The following PWWP3A variants were observed in gnomAD, a reference collection of about 807,000 sequenced individuals.
The protein encoded by PWWP3A is PWWP domain-containing DNA repair factor 3A.
PWWP3A carries 53 observed loss-of-function variants against 79.0 expected under a neutral mutation model. That is an observed-to-expected ratio of 0.67 (90% CI 0.54 to 0.84). The LOEUF (loss-of-function observed/expected upper bound fraction) is 0.84. Among genes scored for constraint, PWWP3A ranks in the 40% least tolerant of loss-of-function variants. PWWP3A has a pLI of 0.00. For synonymous variants in PWWP3A, 443 were observed against 394.4 expected, an observed-to-expected ratio of 1.12 and a Z score of -1.46; for missense variants, 973 against 948.0, an observed-to-expected ratio of 1.03 and a Z score of -0.35.
chr19:1,367,741 C>A (rs1041590013), intron 9 of PWWP3A, among the ~76,000 whole-genome samples: 1 of 152,242 alleles, frequency 6.6e-6, no homozygotes, highest in Non-Finnish European at 1.5e-5. Context: ...CAGCTTTCAT[C>A]ATGTGCTGTC....
intron 6 of PWWP3A, among the ~76,000 whole-genome samples, chr19:1,362,628 G>C (rs1380070595): frequency 6.6e-6 from 1 of 152,214 alleles, no homozygotes; most frequent in Non-Finnish European, 1.5e-5. Flanking sequence ...TCAAGCCCTT[G>C]TCCTCCTGTC....
intron 7 of PWWP3A, 145 bp from the exon 8 acceptor site, chr19:1,366,160 C>A (rs191542408): frequency 9.2e-6 from 7 of 756,800 alleles, no homozygotes; most frequent in South Asian, 1.7e-5. Context: ...CGTTTCTCAG[C>A]GCCTCCTTGC....
chr19:1,358,822 G>A (rs1467908609), intron 4 of PWWP3A: 2 of 567,888 alleles, frequency 3.5e-6, no homozygotes, highest in Non-Finnish European at 6.2e-6. Context: ...AAGATTTGCT[G>A]TGGTACTGTC....
rs1035429292 is a variant in PWWP3A, at chr19:1,368,638, G to C, written c.1423-627G>C. 2.0e-5 allele frequency among the ~76,000 whole-genome samples: 3 copies of C among 152,202 alleles called. No individual in the cohort carries two copies. The highest frequency in any genetic ancestry group is 7.2e-5 in the African/African-American group (3 of 41,450). The stretch of plus-strand genomic sequence containing the variant: ...GCTTTATGGCATCTTTGGGACGGCT[G>C]TGTCCTTTTCTGGGGACCCACCCTG... On this transcript the variant is annotated intron_variant, in intron 9 of 13. Coordinates refer to ENST00000591337, the MANE Select transcript of PWWP3A (RefSeq NM_001369789.1). The surrounding 1 kb of genome is among the most constrained non-coding windows in gnomAD (Gnocchi z 4.7).
At chr19:1,366,723 C>T (rs1485381001) in intron 8 of PWWP3A, among the ~76,000 whole-genome samples, 1 of 152,274 alleles carries the variant, frequency 6.6e-6, no homozygotes, top group Non-Finnish European at 1.5e-5. Flanking sequence ...CAGACAGCAT[C>T]CCTGCGTCCA....
rs779304976 is a variant in PWWP3A, at chr19:1,360,935, C to T, written c.1014C>T (p.Thr338=). Residue 338 remains threonine, a synonymous_variant, in exon 5 of 14, where the codon ACC becomes ACT. Coordinates refer to ENST00000591337, the MANE Select transcript of PWWP3A (RefSeq NM_001369789.1). The surrounding 1 kb of genome is among the most constrained non-coding windows in gnomAD (Gnocchi z 4.4). ...GPGPGPRESV[T]PRSTARLGPP... ...GGCCAGGGCCCAGAGAGTCTGTGAC[C>T]CCGCGCAGCACCGCCAGGCTGGGCC... 4 of 1,524,136 alleles carry T rather than the reference C, an allele frequency of 2.6e-6. No homozygotes were observed. Among genetic ancestry groups the T allele is most frequent in the African/African-American group, 1.4e-5 (1 of 71,764 alleles). 94.4% of individuals were successfully genotyped at this position (1,524,136 alleles called of 1,614,324 possible).
chr19:1,360,717 G>C lies in PWWP3A; in HGVS notation c.796G>C (p.Ala266Pro). ...PSGVREDDPC[A>P]NAEGHDPGLP... is the part of the protein sequence containing the mutation. ...CGGGGTCAGGGAGGACGATCCCTGTGCCAACGCTGAGGGACACGACCCCGG... is the reference window on the plus strand; with the variant it reads ...CGGGGTCAGGGAGGACGATCCCTGTCCCAACGCTGAGGGACACGACCCCGG... The change falls in exon 5 of 14, where the codon GCC becomes CCC. Residue 266 changes from alanine to proline, a missense_variant. By Grantham distance (27) the Ala-to-Pro change is conservative (BLOSUM62 -1). Coordinates refer to ENST00000591337, the MANE Select transcript of PWWP3A (RefSeq NM_001369789.1). This position sits in a 1 kb window ranked among gnomAD's most constrained non-coding sequence, Gnocchi z 4.4. 1 of 1,613,408 alleles carries C rather than the reference G, an allele frequency of 6.2e-7. No individual in the cohort carries two copies.
In PWWP3A at chr19:1,369,148, G is replaced by T; in HGVS notation, c.1423-117G>T. 1.2e-6 allele frequency: 1 copy of T among 857,192 alleles called. No homozygotes were observed. The highest frequency in any genetic ancestry group is 1.9e-6 in the Non-Finnish European group (1 of 522,536). The allele number at this position is 857,192 out of a possible 1,614,324, so 53.1% of individuals were successfully genotyped here. On this transcript the variant is annotated intron_variant, in intron 9 of 13. Coordinates refer to ENST00000591337, the MANE Select transcript of PWWP3A (RefSeq NM_001369789.1). The surrounding 1 kb of genome is among the most constrained non-coding windows in gnomAD (Gnocchi z 4.0). ...CTTTGTCAGGGAGGGTCAGAGGTGC[G>T]GGCTGGAGCGTGAGCAGCCTGGACA... is the stretch of plus-strand genomic sequence containing the variant.
Position 1,360,158 on chromosome 19 carries a change from GGCACCCC to G in PWWP3A, c.238_244del (p.Ala80TrpfsTer17). 1 of 1,569,024 alleles carries G rather than the reference GGCACCCC, an allele frequency of 6.4e-7. No homozygotes were observed. The highest frequency in any genetic ancestry group is 8.6e-7 in the Non-Finnish European group (1 of 1,159,344). On this transcript the variant is annotated frameshift_variant, in exon 5 of 14. Transcript: ENST00000591337. LOFTEE classifies it high-confidence loss of function. The surrounding 1 kb of genome is among the most constrained non-coding windows in gnomAD (Gnocchi z 4.4). ...CAGCCTCACAGAATGAGGTTCCTGC[GGCACCCC>G]TGGAAGAACTGGCCTACAGACGGTC...
chr19:1,376,641 T>A lies in PWWP3A; in HGVS notation c.*65T>A, dbSNP rs1278421721. 6.5e-7 allele frequency: 1 copy of A among 1,528,830 alleles called. No homozygotes were observed. Among genetic ancestry groups the A allele is most frequent in the African/African-American group, 1.4e-5 (1 of 72,732 alleles). 94.7% of individuals were successfully genotyped at this position (1,528,830 alleles called of 1,614,324 possible). On this transcript the variant is annotated 3_prime_UTR_variant, in exon 14 of 14. Transcript: ENST00000591337. ...GAAGCGCCTCCAGTGTGCATGAGCG[T>A]GTCTGAAGATGGGGGGCTCAGGGGG... is the stretch of plus-strand genomic sequence containing the variant.
chr19:1,357,214 G>C, intron 3 of PWWP3A, 120 bp downstream of exon 3: 1 of 686,414 alleles, frequency 1.5e-6, no homozygotes, highest in Non-Finnish European at 2.5e-6. Flanking sequence ...TTCACCATTT[G>C]TGTAATTCAT....
chr19:1,364,295 T>G, intron 6 of PWWP3A: 1 of 684,018 alleles, frequency 1.5e-6, no homozygotes. Flanking sequence ...CAGCTGCTGG[T>G]TTCACTGTCT....
Position 1,377,866 on chromosome 19 carries a change from G to C in PWWP3A, c.*1290G>C, listed in dbSNP as rs1029307024. ...CCAGCCGACGACAGCCACCGGAGAGGAGATCGGAACACGATTGTCTCAGAT... is the reference window on the plus strand; with the variant it reads ...CCAGCCGACGACAGCCACCGGAGAGCAGATCGGAACACGATTGTCTCAGAT... On this transcript the variant is annotated 3_prime_UTR_variant, in exon 14 of 14. Transcript: ENST00000591337. The C allele has an allele frequency of 6.6e-6, 1 of 152,304 alleles. No individual in the cohort carries two copies. Among genetic ancestry groups the C allele is most frequent in the African/African-American group, 2.4e-5 (1 of 41,470 alleles). 9.4% of individuals were successfully genotyped at this position (152,304 alleles called of 1,614,324 possible). A position where few individuals can be genotyped will look rare whatever the true frequency, so the allele number is the denominator to read the frequency against.
intron 6 of PWWP3A, 21 bp downstream of exon 6, chr19:1,362,372 G>A (rs776522369): frequency 1.2e-6 from 2 of 1,600,056 alleles, no homozygotes; most frequent in South Asian, 1.1e-5. Context: ...ATCAGGGGGC[G>A]CCGGCAGTCC....
chr19:1,358,465 G>C lies in PWWP3A; in HGVS notation c.214+1G>C. 6.2e-7 allele frequency: 1 copy of C among 1,613,888 alleles called. No individual in the cohort carries two copies. The highest frequency in any genetic ancestry group is 8.5e-7 in the Non-Finnish European group (1 of 1,179,870). On this transcript the variant is annotated splice_donor_variant, in intron 4 of 13. Transcript: ENST00000591337. LOFTEE classifies it high-confidence loss of function. The stretch of plus-strand genomic sequence containing the variant: ...ATTGAAGCCATTGCTTCCTCGTTAG[G>C]TAAGAGCGTATTTTTAAGTGGCCAC...
rs749814328 is a variant in PWWP3A, at chr19:1,366,181, G to A, written c.1285-124G>A. On this transcript the variant is annotated intron_variant, in intron 7 of 13. Coordinates refer to ENST00000591337, the MANE Select transcript of PWWP3A (RefSeq NM_001369789.1). Reference sequence around the variant, plus strand: ...TCAGCGCCTCCTTGCGGGAGACTTCGCTGGGGTCACCCCCAGAGCTGGGGT... The same window carrying A: ...TCAGCGCCTCCTTGCGGGAGACTTCACTGGGGTCACCCCCAGAGCTGGGGT... The A allele has an allele frequency of 2.6e-3, 409 of 155,450 alleles. 1 individual carries two copies. Among genetic ancestry groups the A allele is most frequent in the Non-Finnish European group, 3.5e-3 (330 of 94,832 alleles). The allele number at this position is 155,450 out of a possible 1,614,324, so 9.6% of individuals were successfully genotyped here.
At chr19:1,365,254 C>T (rs1424515387) in intron 7 of PWWP3A, among the ~76,000 whole-genome samples, 1 of 152,262 alleles carries the variant, frequency 6.6e-6, no homozygotes, top group Non-Finnish European at 1.5e-5. Flanking sequence ...AATTCGAAAT[C>T]CTGTCCAAGT....
intron 13 of PWWP3A, chr19:1,374,487 G>C (rs1394765944): frequency 6.6e-6 from 1 of 152,184 alleles, no homozygotes; most frequent in Non-Finnish European, 1.5e-5. Flanking sequence ...TGTTCTTTTA[G>C]AGTTGCACCA....
At chr19:1,362,005 G>C (rs547544579) in intron 5 of PWWP3A, 2 of 343,610 alleles carry the variant, frequency 5.8e-6, no homozygotes, top group East Asian at 1.1e-4. Flanking sequence ...CTTACGGCCC[G>C]CCTTCCCTTC....
Sources: allele counts gnomAD v4.1 joint callset (sites outside exome capture counted in the v4.1 genomes callset), GRCh38; gene constraint gnomAD v4.1.1; non-coding constraint Gnocchi (gnomAD v3.1); transcripts MANE v1.5; gene names NCBI Gene and HGNC (gene_info 2026-07-23, HGNC 2026-07-21).